The following PCLO variants were observed in gnomAD, a reference collection of about 807,000 sequenced individuals.
PCLO encodes protein piccolo.
Under a neutral mutation model 427.5 loss-of-function variants are expected in PCLO, and 82 were observed. The ratio of observed to expected loss-of-function variants is 0.19; its 90% confidence interval spans 0.16 to 0.23. The LOEUF (loss-of-function observed/expected upper bound fraction) is 0.23, where lower values mean the gene tolerates loss of function less well. Among genes scored for constraint, PCLO ranks in the 10% least tolerant of loss-of-function variants. PCLO has a pLI of 1.00. For synonymous variants in PCLO, 2,357 were observed against 2,155.4 expected (o/e 1.09, Z -2.59); for missense variants, 6,239 against 6,115.9 (o/e 1.02, Z -0.67).
intron 3 of PCLO, among the ~76,000 whole-genome samples, chr7:82,991,316 C>T (rs564608151): frequency 4.6e-5 from 7 of 151,916 alleles, no homozygotes; most frequent in African/African-American, 9.7e-5. Context: ...TATCTTGTTG[C>T]GCCACTGCAC....
chr7:82,987,187 C>T (rs1796274726), intron 3 of PCLO, among the ~76,000 whole-genome samples: 1 of 151,874 alleles, frequency 6.6e-6, no homozygotes, highest in African/African-American at 2.4e-5. Context: ...TTACAAATAA[C>T]ATTATGACAA....
At chr7:82,991,395 T>G (rs146932990) in intron 3 of PCLO, among the ~76,000 whole-genome samples, 1 of 152,072 alleles carries the variant, frequency 6.6e-6, no homozygotes, top group Non-Finnish European at 1.5e-5. Context: ...TCATGAAACA[T>G]TGATGTTATA....
intron 3 of PCLO, among the ~76,000 whole-genome samples, chr7:83,012,621 GAAAAAAAAAAAAAA>G (rs537818971): frequency 1.0e-4 from 7 of 66,740 alleles, no homozygotes; most frequent in African/African-American, 4.1e-4. Context: ...CTGTCTCAAG[GAAAAAAAAAAAAAA>G]AAAAAAAAAA....
intron 3 of PCLO, among the ~76,000 whole-genome samples, chr7:83,022,902 C>T (rs1788381277): frequency 1.3e-5 from 2 of 152,086 alleles, no homozygotes; most frequent in Admixed American, 1.3e-4. Context: ...AAAGTTGAAA[C>T]ATAATAAGCT....
intron 9 of PCLO, among the ~76,000 whole-genome samples, chr7:82,892,639 C>A (rs1793797911): frequency 6.6e-6 from 1 of 151,968 alleles, no homozygotes; most frequent in Non-Finnish European, 1.5e-5. Context: ...AGTGAACAGG[C>A]AACCTACAGA....
chr7:83,161,130 A>C (rs1792425687), intron 1 of PCLO, among the ~76,000 whole-genome samples: 1 of 152,212 alleles, frequency 6.6e-6, no homozygotes, highest in Non-Finnish European at 1.5e-5. Context: ...GATTTTAAGC[A>C]TTTAAGATTT....
At chr7:83,053,141 A>C (rs1789294281) in intron 3 of PCLO, among the ~76,000 whole-genome samples, 1 of 151,920 alleles carries the variant, frequency 6.6e-6, no homozygotes, top group South Asian at 2.1e-4. Context: ...GAAATTTACT[A>C]TACATTCTCT....
At chr7:82,943,570 AT>A (rs1488486672) in intron 6 of PCLO, among the ~76,000 whole-genome samples, 1 of 152,214 alleles carries the variant, frequency 6.6e-6, no homozygotes, top group Non-Finnish European at 1.5e-5. Flanking sequence ...TTACATTGCT[AT>A]GCAATAGATA....
At chr7:82,982,335 G>T (rs1796165129) in intron 3 of PCLO, among the ~76,000 whole-genome samples, 1 of 152,096 alleles carries the variant, frequency 6.6e-6, no homozygotes, top group South Asian at 2.1e-4. Flanking sequence ...CTCAGGGAAG[G>T]CTTTTCAGAA....
Position 82,954,712 on chromosome 7 carries a change from T to C in PCLO, c.6241A>G (p.Ser2081Gly). 1.2e-6 allele frequency: 2 copies of C among 1,613,940 alleles called. No individual in the cohort carries two copies. The highest frequency in any genetic ancestry group is 2.2e-5 in the South Asian group (2 of 91,084). The change falls in exon 5 of 25, where the codon AGC (serine) becomes GGC (glycine). Residue 2081 changes from serine to glycine, a missense_variant. Coordinates refer to ENST00000333891, the MANE Select transcript of PCLO (RefSeq NM_033026.6). ...TCACCAATGGGGGCCTGGGTTGGGC[T>C]AGATCCAGGTGTTAATTGCATCTGT... The part of the protein sequence containing the change: ...RQQMQLTPGS[S>G]PTQAPIGEDM...
rs554080778 is a variant in PCLO at position 82,955,334 on chromosome 7, G to T, written c.5619C>A (p.Ser1873Arg). Residue 1873 changes from serine to arginine, a missense_variant, in exon 5 of 25, where the codon AGC (serine) becomes AGA (arginine). Physicochemically the swap from Ser to Arg is moderately radical, Grantham distance 110 (BLOSUM62 -1). Coordinates refer to ENST00000333891, the MANE Select transcript of PCLO (RefSeq NM_033026.6). Reference protein sequence around the residue: ...IESDPEGFEISPEKIIEVQKV... With the variant: ...IESDPEGFEIRPEKIIEVQKV... Reference sequence around the variant, plus strand: ...TTTGTACTTCTATTATTTTTTCCGGGCTTATTTCAAAACCTTCTGGGTCTG... The same window carrying T: ...TTTGTACTTCTATTATTTTTTCCGGTCTTATTTCAAAACCTTCTGGGTCTG... The T allele has an allele frequency of 1.2e-6, 2 of 1,613,368 alleles. No individual in the cohort carries two copies. The highest frequency in any genetic ancestry group is 1.1e-5 in the South Asian group (1 of 90,986).
At chr7:82,903,567 G>C (rs975661696) in intron 8 of PCLO, among the ~76,000 whole-genome samples, 3 of 151,916 alleles carry the variant, frequency 2.0e-5, no homozygotes, top group Non-Finnish European at 4.4e-5. Flanking sequence ...ATGCAAACTT[G>C]TGCTTTATAT....
chr7:82,975,570 C>T (rs1290124495), intron 3 of PCLO, among the ~76,000 whole-genome samples: 1 of 152,158 alleles, frequency 6.6e-6, no homozygotes, highest in East Asian at 1.9e-4. Flanking sequence ...GTAAGCTCTT[C>T]TTGCAGGGAA....
rs79112254 is a variant in PCLO at position 82,927,038 on chromosome 7, T to C, written c.11113-10165A>G. 6.4e-3 allele frequency among the ~76,000 whole-genome samples: 978 copies of C among 151,830 alleles called. 15 individuals are homozygous for C. The highest frequency in any genetic ancestry group is 0.022 in the African/African-American group (916 of 41,174). On this transcript the variant is annotated intron_variant, in intron 6 of 24. Coordinates refer to ENST00000333891, the MANE Select transcript of PCLO (RefSeq NM_033026.6). ...ACAGACAAAATATTTAGGTTTCTTT[T>C]TTCCTTTCTTTTTTCCTGTCTGTCA...
rs77309399 is a variant in PCLO at position 82,867,131 on chromosome 7, G to A, written c.13654+12206C>T. 1.3e-3 allele frequency among the ~76,000 whole-genome samples: 193 copies of A among 152,230 alleles called. 4 individuals are homozygous for A. The East Asian group carries it at 0.026, about 21-fold the overall frequency. ...AAAAGAGTTTTGGTCCAGGTGCAGC[G>A]GCTCAGGCCTTTAATCCCAGAACTT... On this transcript the variant is annotated intron_variant, in intron 10 of 24. Transcript: ENST00000333891.
intron 3 of PCLO, among the ~76,000 whole-genome samples, chr7:83,125,077 G>A (rs1278432907): frequency 6.6e-6 from 1 of 152,028 alleles, no homozygotes; most frequent in Non-Finnish European, 1.5e-5. Flanking sequence ...CCAGGCTGGA[G>A]TGCAGTGGCG....
chr7:83,036,077 T>C (rs1788787144), intron 3 of PCLO, among the ~76,000 whole-genome samples: 1 of 152,230 alleles, frequency 6.6e-6, no homozygotes, highest in African/African-American at 2.4e-5. Flanking sequence ...ACTCAGGTTC[T>C]GTCCTGATCC....
At chr7:82,885,838 A>C (rs1367894071) in intron 9 of PCLO, among the ~76,000 whole-genome samples, 3 of 151,744 alleles carry the variant, frequency 2.0e-5, no homozygotes, top group Non-Finnish European at 4.4e-5. Flanking sequence ...TGAGGCTTTG[A>C]GAGGTTAAAC....
chr7:82,914,864 G>A lies in PCLO; in HGVS notation c.13122C>T (p.Ala4374=). 1 of 1,613,564 alleles carries A rather than the reference G, an allele frequency of 6.2e-7. No homozygotes were observed. Among genetic ancestry groups the A allele is most frequent in the Non-Finnish European group, 8.5e-7 (1 of 1,179,722 alleles). ...GTGGCAGGGGTCCAGCTGCAGCCCT[G>A]GCCATTCCCATTGGCTGGCCAACAG... ...LSPVGQPMGM[A]RAAAGPLPPI... is the part of the protein sequence containing the mutation. Residue 4374 remains alanine (A), a synonymous_variant, in exon 7 of 25, where the codon GCC becomes GCT. Coordinates refer to ENST00000333891, the MANE Select transcript of PCLO (RefSeq NM_033026.6).
Sources: allele counts gnomAD v4.1 joint callset (sites outside exome capture counted in the v4.1 genomes callset), GRCh38; gene constraint gnomAD v4.1.1; transcripts MANE v1.5; gene names NCBI Gene and HGNC (gene_info 2026-07-23, HGNC 2026-07-21).